PLEKHA7: variants seen among roughly 807,000 people sequenced by gnomAD.
The protein encoded by PLEKHA7 is pleckstrin homology domain containing A7, also known as pleckstrin homology domain-containing family A member 7.
In PLEKHA7, 104 loss-of-function variants were observed where a neutral mutation model predicts 170.0. That is an observed-to-expected ratio of 0.61 (90% confidence interval 0.52 to 0.72). PLEKHA7 has a LOEUF of 0.72. PLEKHA7 is among the 30% of genes least tolerant of loss of function. The pLI, the probability that PLEKHA7 is intolerant of heterozygous loss-of-function variation, is 0.00. For missense variants in PLEKHA7, 1,615 were observed against 1,671.7 expected, an observed-to-expected ratio of 0.97 and a Z score of 0.59; for synonymous variants, 648 against 660.8, an observed-to-expected ratio of 0.98 and a Z score of 0.30.
intron 3 of PLEKHA7, among the ~76,000 whole-genome samples, chr11:16,960,989 C>T (rs1157174472): frequency 2.0e-5 from 3 of 152,182 alleles, no homozygotes; most frequent in African/African-American, 4.8e-5. Flanking sequence ...TCCTCCACAA[C>T]AAGAGACCCA....
At chr11:16,866,839 CT>C (rs1190425047) in intron 4 of PLEKHA7, among the ~76,000 whole-genome samples, 1 of 152,114 alleles carries the variant, frequency 6.6e-6, no homozygotes, top group Non-Finnish European at 1.5e-5. Flanking sequence ...TGCCTCTGAC[CT>C]GTAAAATGAG....
chr11:16,790,534 A>G (rs1252526384), intron 21 of PLEKHA7: 2 of 444,018 alleles, frequency 4.5e-6, no homozygotes, highest in African/African-American at 3.9e-5. Flanking sequence ...ATGTCTATAT[A>G]AAGTGCTTAA....
At chr11:16,988,542 G>C (rs1293157731) in intron 3 of PLEKHA7, among the ~76,000 whole-genome samples, 1 of 152,144 alleles carries the variant, frequency 6.6e-6, no homozygotes, top group Non-Finnish European at 1.5e-5. Flanking sequence ...TGCCTCCTGG[G>C]TTCAAGCGAT....
At chr11:16,987,262 C>G (rs1045351714) in intron 3 of PLEKHA7, among the ~76,000 whole-genome samples, 2 of 150,496 alleles carry the variant, frequency 1.3e-5, no homozygotes, top group African/African-American at 2.5e-5. Flanking sequence ...CCATCCCCCA[C>G]ACCCCCCACT....
intron 26 of PLEKHA7, chr11:16,781,100 G>T: frequency 1.3e-6 from 1 of 773,316 alleles, no homozygotes; most frequent in Non-Finnish European, 1.6e-6. Flanking sequence ...CTCCTCATCA[G>T]CTCCTGCAGC....
intron 23 of PLEKHA7, chr11:16,787,476 C>T (rs81569): frequency 0.41 from 62,722 of 152,062 alleles, 13,047 homozygotes; most frequent in Admixed American, 0.46. Context: ...GATTAGGCAA[C>T]TGAAGTTCCA....
At chr11:16,807,316 G>A (rs1272198729) in intron 13 of PLEKHA7, 1 of 439,910 alleles carries the variant, frequency 2.3e-6, no homozygotes, top group Non-Finnish European at 3.0e-6. Flanking sequence ...AACTGGCAAA[G>A]GGAAAACTTT....
intron 3 of PLEKHA7, among the ~76,000 whole-genome samples, chr11:16,962,794 C>T (rs1181932732): frequency 6.6e-6 from 1 of 152,154 alleles, no homozygotes; most frequent in Non-Finnish European, 1.5e-5. Flanking sequence ...TTGGCAGCCT[C>T]CCCTGAACTT....
Position 16,975,070 on chromosome 11 carries a change from T to C in PLEKHA7, c.221+38919A>G. The C allele has an allele frequency of 5.7e-6, 4 of 703,376 alleles. 2 individuals carry two copies. The highest frequency in any genetic ancestry group is 7.8e-6 in the Non-Finnish European group (4 of 511,578). The allele number at this position is 703,376 out of a possible 1,614,324, so 43.6% of individuals were successfully genotyped here. On this transcript the variant is annotated intron_variant, in intron 3 of 26. Transcript: ENST00000531066. ...GCCAGGTTTTTATATATACTATGTA[T>C]ATATGTACAGTTCTATGAGATTTCA... is the stretch of plus-strand genomic sequence containing the variant.
chr11:16,931,057 T>C (rs995045293), intron 3 of PLEKHA7, among the ~76,000 whole-genome samples: 1 of 152,154 alleles, frequency 6.6e-6, no homozygotes. Flanking sequence ...CCAAAAGCTA[T>C]CTAAATACAA....
intron 3 of PLEKHA7, among the ~76,000 whole-genome samples, chr11:16,995,348 G>C (rs995849459): frequency 2.6e-5 from 4 of 152,160 alleles, no homozygotes; most frequent in Admixed American, 2.6e-4. Flanking sequence ...CACACATCCA[G>C]TGCTCAGTGA....
Position 16,802,544 on chromosome 11 carries a change from AG to A in PLEKHA7, c.2157+427del, listed in dbSNP as rs566200774. On this transcript the variant is annotated intron_variant, in intron 15 of 26. Transcript: ENST00000531066. ...CCTAAGAAACACCATTTAAACACAA[AG>A]GCTTTTTTTTTTTTCCTCCTGAGAC... 6.1e-5 allele frequency among the ~76,000 whole-genome samples: 9 copies of A among 146,526 alleles called. No homozygotes were observed. The South Asian group carries it at 8.8e-4, about 14-fold the overall frequency.
chr11:16,896,961 T>G (rs1158903708), intron 3 of PLEKHA7, among the ~76,000 whole-genome samples: 5 of 152,170 alleles, frequency 3.3e-5, no homozygotes, highest in Admixed American at 6.5e-5. Flanking sequence ...TCATTGTGGT[T>G]GTTGTGCTTA....
chr11:16,821,722 A>G (rs1850228710), intron 10 of PLEKHA7, among the ~76,000 whole-genome samples: 1 of 145,666 alleles, frequency 6.9e-6, no homozygotes, highest in Non-Finnish European at 1.5e-5. Context: ...TATCTTTAAG[A>G]AAAAAAAAAT....
At chr11:16,783,017 G>A in intron 25 of PLEKHA7, 121 bp from the exon 26 acceptor site, 3 of 1,089,242 alleles carry the variant, frequency 2.8e-6, no homozygotes, top group South Asian at 3.2e-5. Flanking sequence ...AAAAACTGTG[G>A]TACTTTCTCC....
chr11:16,794,622 T>G lies in PLEKHA7; in HGVS notation c.2611A>C (p.Ser871Arg), dbSNP rs780279883. The change falls in exon 19 of 27, where the codon AGC (serine) becomes CGC (arginine). Residue 871 changes from serine to arginine, a missense_variant. Transcript: ENST00000531066. ...ACCTCCAGAGGGGTCCGCACAGGGC[T>G]GGTGGGAGGACTGGGCTGTGGGGGC... ...KPPPQPSPPT[S>R]PVRTPLEVRL... is the part of the protein sequence containing the mutation. 1 of 1,613,780 alleles carries G rather than the reference T, an allele frequency of 6.2e-7. No individual in the cohort carries two copies. Among genetic ancestry groups the G allele is most frequent in the South Asian group, 1.1e-5 (1 of 91,052 alleles).
chr11:16,930,905 C>G (rs1859877079), intron 3 of PLEKHA7, among the ~76,000 whole-genome samples: 1 of 152,234 alleles, frequency 6.6e-6, no homozygotes, highest in African/African-American at 2.4e-5. Flanking sequence ...CAGGCAACAG[C>G]TCAGGGACAG....
At chr11:17,009,112 T>G (rs1404804524) in intron 3 of PLEKHA7, among the ~76,000 whole-genome samples, 2 of 152,136 alleles carry the variant, frequency 1.3e-5, no homozygotes, top group African/African-American at 4.8e-5. Context: ...CATATGGGCA[T>G]TCATCTCCTT....
chr11:16,854,412 G>A (rs1352023187), intron 6 of PLEKHA7, among the ~76,000 whole-genome samples: 2 of 152,224 alleles, frequency 1.3e-5, no homozygotes, highest in South Asian at 2.1e-4. Flanking sequence ...CAGTCTTGGG[G>A]AAATGGCAGG....
Sources: gnomAD v4.1 joint callset for allele counts (sites outside exome capture counted in the v4.1 genomes callset) on GRCh38, gnomAD v4.1.1 for gene constraint, MANE v1.5 for transcripts, NCBI Gene and HGNC (gene_info 2026-07-23, HGNC 2026-07-21) for gene names.